ANK3: variants seen among roughly 807,000 people sequenced by gnomAD.
ANK3 encodes ankyrin-3.
Under a neutral mutation model 370.9 loss-of-function variants are expected in ANK3, and 57 were observed. The observed-to-expected ratio is 0.15, with a 90% confidence interval of 0.12 to 0.19. The LOEUF is 0.19. Among genes scored for constraint, ANK3 ranks in the 10% least tolerant of loss-of-function variants. The pLI, the probability that ANK3 is intolerant of heterozygous loss-of-function variation, is 1.00. For synonymous variants in ANK3, 1,929 were observed against 1,946.3 expected, an observed-to-expected ratio of 0.99 and a Z score of 0.23; for missense variants, 4,439 against 5,302.1, an observed-to-expected ratio of 0.84 and a Z score of 5.06.
chr10:60,346,341 T>C (rs1269220002), intron 1 of ANK3, among the ~76,000 whole-genome samples: 2 of 152,042 alleles, frequency 1.3e-5, no homozygotes, highest in Non-Finnish European at 2.9e-5. Flanking sequence ...ATGCAACTTA[T>C]ACAACAAAGG....
chr10:60,265,194 C>T (rs1358389508), intron 5 of ANK3, among the ~76,000 whole-genome samples: 4 of 151,816 alleles, frequency 2.6e-5, no homozygotes, highest in Non-Finnish European at 5.9e-5. Flanking sequence ...CAATAAATTT[C>T]AAAAAAAGCA....
rs371511990 is a variant in ANK3 at position 60,198,589 on chromosome 10, C to T, written c.1492-52G>A. On this transcript the variant is annotated intron_variant, in intron 13 of 43. Transcript: ENST00000280772. ...CTGATGAGCTGAGGAAACAATGGTG[C>T]CTTTATGAAAAATTCAGGGAATATT... is the stretch of plus-strand genomic sequence containing the variant. 38 of 1,543,270 alleles carry T rather than the reference C, an allele frequency of 2.5e-5. No individual in the cohort carries two copies. In the African/African-American group the frequency reaches 4.5e-4, roughly 18 times the overall value.
intron 26 of ANK3, among the ~76,000 whole-genome samples, chr10:60,111,175 G>A (rs1413076177): frequency 1.3e-5 from 2 of 152,180 alleles, no homozygotes; most frequent in Non-Finnish European, 2.9e-5. Flanking sequence ...GTAGCGTACA[G>A]TTTATCAGAT....
At chr10:60,056,743 G>A (rs2079248140) in intron 41 of ANK3, among the ~76,000 whole-genome samples, 1 of 152,114 alleles carries the variant, frequency 6.6e-6, no homozygotes, top group African/African-American at 2.4e-5. Context: ...TAAACTGCTG[G>A]CCGGACTCAG....
intron 1 of ANK3, among the ~76,000 whole-genome samples, chr10:60,721,626 T>C (rs2079864784): frequency 1.3e-5 from 2 of 152,206 alleles, no homozygotes; most frequent in Non-Finnish European, 1.5e-5. Flanking sequence ...TGATTTGTAC[T>C]TCATTCCATG....
At chr10:60,240,306 A>ATATTTTTTTTT (rs11282162) in intron 7 of ANK3, among the ~76,000 whole-genome samples, 3 of 119,772 alleles carry the variant, frequency 2.5e-5, no homozygotes, top group Non-Finnish European at 3.4e-5. Flanking sequence ...ATATATATAT[A>ATATTTTTTTTT]TTTTTTTTTC....
chr10:60,316,955 C>A (rs535182196), intron 1 of ANK3, among the ~76,000 whole-genome samples: 2 of 152,178 alleles, frequency 1.3e-5, no homozygotes, highest in East Asian at 3.9e-4. Context: ...ACCGTGTTAG[C>A]CAGGATGGTC....
intron 1 of ANK3, among the ~76,000 whole-genome samples, chr10:60,620,293 A>G (rs1595356446): frequency 6.6e-6 from 1 of 152,316 alleles, no homozygotes; most frequent in East Asian, 1.9e-4. Context: ...TGTTTATTAT[A>G]TTTGTGTGAA....
chr10:60,290,360 C>A (rs2041050988), intron 1 of ANK3, among the ~76,000 whole-genome samples: 1 of 151,540 alleles, frequency 6.6e-6, no homozygotes, highest in East Asian at 2.0e-4. Flanking sequence ...AAACTTGAAC[C>A]CTTTTAGTTA....
chr10:60,400,448 A>G (rs544614775), intron 2 of ANK3, among the ~76,000 whole-genome samples: 6 of 152,344 alleles, frequency 3.9e-5, no homozygotes, highest in African/African-American at 1.4e-4. Flanking sequence ...CTTTATGAGT[A>G]CTTGTGAGTA....
At chr10:60,076,868 A>T (rs2083956845) in intron 36 of ANK3, among the ~76,000 whole-genome samples, 1 of 152,230 alleles carries the variant, frequency 6.6e-6, no homozygotes, top group African/African-American at 2.4e-5. Flanking sequence ...CTGTATAGGT[A>T]CATGTTTGTT....
At position 60,073,279 on chromosome 10, in the gene ANK3, C is replaced by T. The variant is rs898803296; in HGVS notation, c.7602G>A (p.Glu2534=). ...ENGVGKVSKD[E]HFDKVTVLHY... ...GCAACACTGTCACTTTATCAAAATG[C>T]TCATCTTTAGACACTTTACCTACAC... is the stretch of plus-strand genomic sequence containing the variant. Residue 2534 remains glutamate, a synonymous_variant, in exon 37 of 44, where the codon GAG becomes GAA. Coordinates refer to ENST00000280772, the MANE Select transcript of ANK3 (RefSeq NM_020987.5). 6.2e-7 allele frequency: 1 copy of T among 1,614,052 alleles called. No homozygotes were observed. Among genetic ancestry groups the T allele is most frequent in the Admixed American group, 1.7e-5 (1 of 60,010 alleles).
rs536825179 is a variant in ANK3 at position 60,232,607 on chromosome 10, C to CCT, written c.897+2079_897+2080dup. On this transcript the variant is annotated intron_variant, in intron 8 of 43. Transcript: ENST00000280772. ...AGACAGTCATTTAGGGGTCGGCCTT[C>CCT]CTTTCTTCCCTTTTCCTATTTAGAA... 2.7e-3 allele frequency among the ~76,000 whole-genome samples: 418 copies of CCT among 152,254 alleles called. 1 individual carries two copies. Among genetic ancestry groups the CCT allele is most frequent in the African/African-American group, 9.7e-3 (403 of 41,536 alleles).
chr10:60,178,481 T>C (rs1347382071), intron 18 of ANK3, among the ~76,000 whole-genome samples: 2 of 152,176 alleles, frequency 1.3e-5, no homozygotes, highest in African/African-American at 4.8e-5. Context: ...TGAAAAGCAC[T>C]TAGAATAGTA....
intron 1 of ANK3, among the ~76,000 whole-genome samples, chr10:60,380,598 T>C (rs930749892): frequency 6.6e-6 from 1 of 152,188 alleles, no homozygotes. Context: ...TGTGGTAGAA[T>C]GCCTGGCCCA....
chr10:60,723,147 C>T (rs1341237655), intron 1 of ANK3, among the ~76,000 whole-genome samples: 4 of 152,178 alleles, frequency 2.6e-5, no homozygotes, highest in Non-Finnish European at 5.9e-5. Context: ...ACAATTTGAT[C>T]CTTATGACTT....
At position 60,389,715 on chromosome 10, in the gene ANK3, C is replaced by G; in HGVS notation, c.-177G>C. ...TGGAGAAGCTGAAGCTTTTAAAAACCCAAATGATGGTGTCCGGACTTCATC... is the reference window on the plus strand; with the variant it reads ...TGGAGAAGCTGAAGCTTTTAAAAACGCAAATGATGGTGTCCGGACTTCATC... On this transcript the variant is annotated 5_prime_UTR_variant, in exon 1 of 44. Coordinates refer to ENST00000280772, the MANE Select transcript of ANK3 (RefSeq NM_020987.5). The G allele has an allele frequency of 1.4e-6, 2 of 1,436,556 alleles. No individual in the cohort carries two copies. Among genetic ancestry groups the G allele is most frequent in the Non-Finnish European group, 1.8e-6 (2 of 1,101,850 alleles). 89.0% of individuals were successfully genotyped at this position (1,436,556 alleles called of 1,614,324 possible).
chr10:60,642,471 T>A (rs1411043105), intron 1 of ANK3, among the ~76,000 whole-genome samples: 1 of 152,214 alleles, frequency 6.6e-6, no homozygotes, highest in East Asian at 1.9e-4. Context: ...GATGAGTTCA[T>A]GTCCTTTGTA....
intron 2 of ANK3, among the ~76,000 whole-genome samples, chr10:60,591,549 A>G (rs1419446449): frequency 3.3e-5 from 5 of 152,104 alleles, no homozygotes; most frequent in Non-Finnish European, 5.9e-5. Context: ...GAACTACCAT[A>G]TGATCCAGCA....
Sources: allele counts gnomAD v4.1 joint callset (sites outside exome capture counted in the v4.1 genomes callset), GRCh38; gene constraint gnomAD v4.1.1; transcripts MANE v1.5; gene names NCBI Gene and HGNC (gene_info 2026-07-23, HGNC 2026-07-21).